B3GALT5: variants seen among roughly 807,000 people sequenced by gnomAD.
B3GALT5 encodes the protein UDP-Gal:betaGlcNAc beta 1,3-galactosyltransferase, polypeptide 5.
For synonymous variants in B3GALT5, 156 were observed against 158.6 expected, an observed-to-expected ratio of 0.98 and a Z score of 0.12; for missense variants, 328 against 396.6, an observed-to-expected ratio of 0.83 and a Z score of 1.47.
chr21:39,633,685 A>G (rs1412968881), intron 1 of B3GALT5, among the ~76,000 whole-genome samples: 1 of 152,232 alleles, frequency 6.6e-6, no homozygotes, highest in Non-Finnish European at 1.5e-5. Context: ...TCCACAGAGA[A>G]TGAAGCTTTT....
At position 39,659,790 on chromosome 21, in the gene B3GALT5, C is replaced by T. The variant is rs1359515029; in HGVS notation, c.-123C>T. 4.1e-6 allele frequency: 4 copies of T among 984,664 alleles called. No homozygotes were observed. In the East Asian group the frequency reaches 3.4e-4, roughly 84 times the overall value. 61.0% of individuals were successfully genotyped at this position (984,664 alleles called of 1,614,324 possible). A position where few individuals can be genotyped will look rare whatever the true frequency, so the allele number is the denominator to read the frequency against. On this transcript the variant is annotated 5_prime_UTR_variant, in exon 3 of 4. Coordinates refer to ENST00000684187, the MANE Select transcript of B3GALT5 (RefSeq NM_001356336.2). ...GAATCACCATTTTTGGTAAACAAAC[C>T]AAGCCCAGAACCTGATAATTATGGA...
intron 1 of B3GALT5, among the ~76,000 whole-genome samples, chr21:39,634,950 G>A (rs554179619): frequency 6.6e-6 from 1 of 152,166 alleles, no homozygotes; most frequent in Non-Finnish European, 1.5e-5. Context: ...AACAGCAGGC[G>A]TAAGAAAGCA....
At chr21:39,654,608 G>A (rs2079424124) in intron 2 of B3GALT5, among the ~76,000 whole-genome samples, 1 of 152,166 alleles carries the variant, frequency 6.6e-6, no homozygotes, top group Non-Finnish European at 1.5e-5. Flanking sequence ...CTATCAAATG[G>A]CGTCGCATGC....
At chr21:39,633,683 G>A (rs935289041) in intron 1 of B3GALT5, among the ~76,000 whole-genome samples, 2 of 152,216 alleles carry the variant, frequency 1.3e-5, no homozygotes, top group Non-Finnish European at 2.9e-5. Flanking sequence ...CTTCCACAGA[G>A]AATGAAGCTT....
intron 1 of B3GALT5, among the ~76,000 whole-genome samples, chr21:39,617,785 C>T (rs1379422305): frequency 2.0e-5 from 3 of 151,984 alleles, no homozygotes; most frequent in South Asian, 4.1e-4. Context: ...TTAGTGTTAG[C>T]GTAGTTTATG....
chr21:39,661,549 G>A lies in B3GALT5; in HGVS notation c.*57G>A. The stretch of plus-strand genomic sequence containing the variant: ...CAGATAACCCGTGGGGATAGTTTTT[G>A]CTAGATTTTGGAAGAGGGGGCGGGA... On this transcript the variant is annotated 3_prime_UTR_variant, in exon 4 of 4. Coordinates refer to ENST00000684187, the MANE Select transcript of B3GALT5 (RefSeq NM_001356336.2). This position sits in a 1 kb window ranked among gnomAD's most constrained non-coding sequence, Gnocchi z 4.7. 1.4e-6 allele frequency: 2 copies of A among 1,441,924 alleles called. No homozygotes were observed. The highest frequency in any genetic ancestry group is 1.8e-6 in the Non-Finnish European group (2 of 1,090,316). The allele number at this position is 1,441,924 out of a possible 1,614,324, so 89.3% of individuals were successfully genotyped here.
intron 1 of B3GALT5, among the ~76,000 whole-genome samples, chr21:39,639,294 CTTT>C (rs2079255577): frequency 1.8e-5 from 1 of 54,352 alleles, no homozygotes; most frequent in Non-Finnish European, 3.6e-5. Flanking sequence ...CTGGCTCTTT[CTTT>C]CTTTCTTTCT....
intron 1 of B3GALT5, among the ~76,000 whole-genome samples, chr21:39,633,068 T>C (rs537649671): frequency 1.3e-5 from 2 of 152,300 alleles, no homozygotes; most frequent in African/African-American, 2.4e-5. Context: ...TGGAAAATGA[T>C]GATTGCACTC....
At chr21:39,660,302 C>T (rs1213365685) in intron 3 of B3GALT5, among the ~76,000 whole-genome samples, 1 of 152,188 alleles carries the variant, frequency 6.6e-6, no homozygotes, top group African/African-American at 2.4e-5. Flanking sequence ...TGGAGACTCC[C>T]GTAGGTTAAG....
intron 1 of B3GALT5, among the ~76,000 whole-genome samples, chr21:39,636,317 C>T (rs147894182): frequency 6.6e-6 from 1 of 152,314 alleles, no homozygotes; most frequent in African/African-American, 2.4e-5. Context: ...TGAGACCATG[C>T]TGTGGCCTGG....
At chr21:39,635,560 C>T (rs2079221367) in intron 1 of B3GALT5, among the ~76,000 whole-genome samples, 1 of 152,102 alleles carries the variant, frequency 6.6e-6, no homozygotes, top group Non-Finnish European at 1.5e-5. Context: ...CTCACTGCAA[C>T]CTCTGCCTCC....
At chr21:39,620,543 C>A (rs778203031) in intron 1 of B3GALT5, among the ~76,000 whole-genome samples, 1 of 152,138 alleles carries the variant, frequency 6.6e-6, no homozygotes, top group Non-Finnish European at 1.5e-5. Context: ...GCTTCTCCCA[C>A]CTCTTGAAGT....
In B3GALT5 at chr21:39,639,347, TTTCC is replaced by T. The variant is rs71184690; in HGVS notation, c.-391-7001_-391-6998del. On this transcript the variant is annotated intron_variant, in intron 1 of 3. Transcript: ENST00000684187. ...CTTTCTTTCTTTCTTTCTTTCTTTC[TTTCC>T]TTCCTTCCTTCCTTCCTTCCTTCCT... is the stretch of plus-strand genomic sequence containing the variant. Among the ~76,000 whole-genome samples the T allele has an allele frequency of 5.7e-3, 377 of 66,680 alleles. 2 individuals carry two copies. The highest frequency in any genetic ancestry group is 0.011 in the South Asian group (20 of 1,818). The allele number at this position is 66,680 out of a possible 152,430, so 43.7% of individuals were successfully genotyped here. A position where few individuals can be genotyped will look rare whatever the true frequency, so the allele number is the denominator to read the frequency against.
chr21:39,653,511 G>A (rs776722654), intron 2 of B3GALT5, among the ~76,000 whole-genome samples: 1 of 152,244 alleles, frequency 6.6e-6, no homozygotes, highest in Non-Finnish European at 1.5e-5. Context: ...GTTCAGGGAC[G>A]CTGGTTTGGT....
chr21:39,670,207 C>CA lies in B3GALT5; in HGVS notation c.*8716dup, dbSNP rs572631842. 2.2e-4 allele frequency: 31 copies of CA among 143,396 alleles called. No individual in the cohort carries two copies. The highest frequency in any genetic ancestry group is 7.6e-4 in the African/African-American group (29 of 38,100). 8.9% of individuals were successfully genotyped at this position (143,396 alleles called of 1,614,324 possible). On this transcript the variant is annotated 3_prime_UTR_variant, in exon 4 of 4. Transcript: ENST00000684187. Reference sequence around the variant, plus strand: ...AAAACAAGCCCGGGGGCGCCACACTCAGACTGTGTGTGTGTGTGTGTGTGT... The same window carrying CA: ...AAAACAAGCCCGGGGGCGCCACACTCAAGACTGTGTGTGTGTGTGTGTGTGT...
rs145307757 is a variant in B3GALT5 at position 39,635,321 on chromosome 21, G to A, written c.-391-11071G>A. Among the ~76,000 whole-genome samples, 382 of 152,232 alleles carry A rather than the reference G, an allele frequency of 2.5e-3. 1 individual carries two copies. The highest frequency in any genetic ancestry group is 9.0e-3 in the African/African-American group (373 of 41,534). The stretch of plus-strand genomic sequence containing the variant: ...AAGATGTGCCATGGAGAGTGAAGGT[G>A]TGTGAGTCAAGGGATGATCCTATGG... On this transcript the variant is annotated intron_variant, in intron 1 of 3. Coordinates refer to ENST00000684187, the MANE Select transcript of B3GALT5 (RefSeq NM_001356336.2).
At position 39,663,529 on chromosome 21, in the gene B3GALT5, G is replaced by A. The variant is rs1300110592; in HGVS notation, c.*2037G>A. 6.6e-6 allele frequency: 1 copy of A among 151,178 alleles called. No individual in the cohort carries two copies. Among genetic ancestry groups the A allele is most frequent in the African/African-American group, 2.4e-5 (1 of 41,046 alleles). 9.4% of individuals were successfully genotyped at this position (151,178 alleles called of 1,614,324 possible). On this transcript the variant is annotated 3_prime_UTR_variant, in exon 4 of 4. Transcript: ENST00000684187. ...GTCTCACCCTGTCACCCAAGCTGGA[G>A]CGTAGTGGCCTGATCTCGCTGCAGC...
chr21:39,654,208 G>T (rs543239205), intron 2 of B3GALT5, among the ~76,000 whole-genome samples: 3 of 152,202 alleles, frequency 2.0e-5, no homozygotes, highest in African/African-American at 7.2e-5. Flanking sequence ...AAATACAGTT[G>T]CTTCCCAAGT....
chr21:39,672,348 A>C lies in B3GALT5; in HGVS notation c.*10856A>C, dbSNP rs1350953318. The C allele has an allele frequency of 6.6e-6, 1 of 152,220 alleles. No homozygotes were observed. The highest frequency in any genetic ancestry group is 1.9e-4 in the East Asian group (1 of 5,192). 9.4% of individuals were successfully genotyped at this position (152,220 alleles called of 1,614,324 possible). ...ACCTGGTCAAATAAGACATCACTAA[A>C]ATCTACCATGACTGGAAATTACTTA... is the stretch of plus-strand genomic sequence containing the variant. On this transcript the variant is annotated 3_prime_UTR_variant, in exon 4 of 4. Coordinates refer to ENST00000684187, the MANE Select transcript of B3GALT5 (RefSeq NM_001356336.2).
Sources: gnomAD v4.1 joint callset for allele counts (sites outside exome capture counted in the v4.1 genomes callset) on GRCh38, gnomAD v4.1.1 for gene constraint, Gnocchi (gnomAD v3.1) non-coding constraint, MANE v1.5 for transcripts, NCBI Gene and HGNC (gene_info 2026-07-23, HGNC 2026-07-21) for gene names.